AKAP6: variants seen among roughly 807,000 people sequenced by gnomAD.
AKAP6 encodes A-kinase anchor protein 6.
AKAP6 carries 58 observed loss-of-function variants against 188.5 expected under a neutral mutation model. That is an observed-to-expected ratio of 0.31 (90% CI 0.25 to 0.38). The LOEUF is 0.38. Ranked by LOEUF, AKAP6 falls within the 10% of genes least tolerant of loss-of-function variation. The pLI is 1.00. For synonymous variants in AKAP6, 989 were observed against 998.6 expected, an observed-to-expected ratio of 0.99 and a Z score of 0.18; for missense variants, 2,710 against 2,740.0, an observed-to-expected ratio of 0.99 and a Z score of 0.24.
chr14:32,473,472 A>G (rs1878888341), intron 2 of AKAP6, among the ~76,000 whole-genome samples: 1 of 152,214 alleles, frequency 6.6e-6, no homozygotes, highest in African/African-American at 2.4e-5. Context: ...GCCAGAAAAT[A>G]TAATGTTTGC....
chr14:32,525,762 TC>T (rs1303880391), intron 2 of AKAP6, among the ~76,000 whole-genome samples: 1 of 152,184 alleles, frequency 6.6e-6, no homozygotes, highest in African/African-American at 2.4e-5. Flanking sequence ...TTCACAAACA[TC>T]CTTTGCATCT....
chr14:32,686,735 A>T (rs1889941171), intron 8 of AKAP6, among the ~76,000 whole-genome samples: 1 of 152,166 alleles, frequency 6.6e-6, no homozygotes, highest in African/African-American at 2.4e-5. Context: ...GATGCTGTTG[A>T]AGCAGAAGAT....
chr14:32,538,882 G>T (rs1351943020), intron 3 of AKAP6, among the ~76,000 whole-genome samples: 1 of 151,934 alleles, frequency 6.6e-6, no homozygotes, highest in Non-Finnish European at 1.5e-5. Flanking sequence ...TAAAAAAGAA[G>T]AATTTAAGTG....
At chr14:32,541,120 G>C (rs1053099806) in intron 3 of AKAP6, among the ~76,000 whole-genome samples, 4 of 152,010 alleles carry the variant, frequency 2.6e-5, no homozygotes, top group Non-Finnish European at 5.9e-5. Context: ...TCACTCAACT[G>C]TCTCACTGGT....
intron 7 of AKAP6, among the ~76,000 whole-genome samples, chr14:32,616,714 T>A (rs770636622): frequency 2.6e-5 from 4 of 152,182 alleles, no homozygotes; most frequent in Non-Finnish European, 5.9e-5. Flanking sequence ...TTTACCTGTA[T>A]AACAAACCTG....
intron 7 of AKAP6, among the ~76,000 whole-genome samples, chr14:32,651,966 G>A (rs1299350817): frequency 6.6e-6 from 1 of 151,896 alleles, no homozygotes; most frequent in African/African-American, 2.4e-5. Flanking sequence ...TAGACCATCT[G>A]TTCTTCCTTA....
intron 6 of AKAP6, 82 bp from the exon 7 acceptor site, chr14:32,600,547 G>T: frequency 7.4e-7 from 1 of 1,343,252 alleles, no homozygotes; most frequent in Non-Finnish European, 9.9e-7. Flanking sequence ...GTTTAAAATA[G>T]CCATCTAATT....
At chr14:32,498,379 A>G (rs527825179) in intron 2 of AKAP6, among the ~76,000 whole-genome samples, 2 of 152,206 alleles carry the variant, frequency 1.3e-5, no homozygotes, top group African/African-American at 4.8e-5. Flanking sequence ...TCTAGCTTCT[A>G]TAGATACCTT....
chr14:32,553,090 A>G (rs1320874939), intron 4 of AKAP6, among the ~76,000 whole-genome samples: 1 of 151,794 alleles, frequency 6.6e-6, no homozygotes, highest in Non-Finnish European at 1.5e-5. Flanking sequence ...CACCCCTCAC[A>G]TTTGTATCTT....
intron 1 of AKAP6, among the ~76,000 whole-genome samples, chr14:32,361,884 A>T (rs1309021030): frequency 6.6e-6 from 1 of 151,072 alleles, no homozygotes; most frequent in Non-Finnish European, 1.5e-5. Context: ...GTTGAATTGT[A>T]TGCCGGTTGC....
At chr14:32,588,445 C>T (rs1885344931) in intron 5 of AKAP6, among the ~76,000 whole-genome samples, 1 of 152,168 alleles carries the variant, frequency 6.6e-6, no homozygotes. Context: ...TTGTGTCTGC[C>T]TAGAGCAGCA....
intron 13 of AKAP6, among the ~76,000 whole-genome samples, chr14:32,825,382 G>A (rs967191795): frequency 1.3e-5 from 2 of 152,214 alleles, no homozygotes; most frequent in Non-Finnish European, 2.9e-5. Context: ...ATTCAAACAG[G>A]AGGGGAAAGT....
At chr14:32,683,096 C>T (rs576677175) in intron 8 of AKAP6, among the ~76,000 whole-genome samples, 6 of 151,846 alleles carry the variant, frequency 4.0e-5, no homozygotes, top group South Asian at 2.1e-4. Flanking sequence ...TGGGTTCAAG[C>T]GATTCTTGTC....
intron 2 of AKAP6, among the ~76,000 whole-genome samples, chr14:32,522,892 C>A (rs1881919536): frequency 6.6e-6 from 1 of 152,094 alleles, no homozygotes; most frequent in African/African-American, 2.4e-5. Flanking sequence ...TTTAATGGGG[C>A]ACTATTCACA....
chr14:32,556,010 TGA>T, intron 4 of AKAP6, among the ~76,000 whole-genome samples: 1 of 152,006 alleles, frequency 6.6e-6, no homozygotes. Flanking sequence ...GTATATTTTT[TGA>T]GGAATCTCCA....
At chr14:32,425,641 GAGGA>G (rs202089371) in intron 1 of AKAP6, among the ~76,000 whole-genome samples, 4,589 of 151,612 alleles carry the variant, frequency 0.03, 159 homozygotes, top group African/African-American at 0.095. Flanking sequence ...GAATGAAGGA[GAGGA>G]AGGAAGGAAG....
intron 2 of AKAP6, among the ~76,000 whole-genome samples, chr14:32,524,956 A>T (rs764452375): frequency 6.6e-6 from 1 of 152,220 alleles, no homozygotes; most frequent in South Asian, 2.1e-4. Context: ...TAACAAGCAC[A>T]CTGCAAGGTA....
intron 13 of AKAP6, among the ~76,000 whole-genome samples, chr14:32,825,730 T>C (rs2140157837): frequency 6.6e-6 from 1 of 152,196 alleles, no homozygotes; most frequent in Admixed American, 6.5e-5. Context: ...AATGTGAGAG[T>C]CATATTTCAC....
intron 12 of AKAP6, among the ~76,000 whole-genome samples, chr14:32,808,625 G>A (rs1030266653): frequency 1.3e-5 from 2 of 152,084 alleles, no homozygotes; most frequent in Non-Finnish European, 1.5e-5. Context: ...TTTACGGTCC[G>A]AAAGAACCCA....
Sources: allele counts gnomAD v4.1 joint callset (sites outside exome capture counted in the v4.1 genomes callset), GRCh38; gene constraint gnomAD v4.1.1; transcripts MANE v1.5; gene names NCBI Gene and HGNC (gene_info 2026-07-23, HGNC 2026-07-21).